The following VIPR1 variants were observed in gnomAD, a reference collection of about 807,000 sequenced individuals.
VIPR1 encodes vasoactive intestinal peptide receptor 1.
Under a neutral mutation model 58.8 loss-of-function variants are expected in VIPR1, and 59 were observed. The observed-to-expected ratio is 1.00, with a 90% CI of 0.81 to 1.25. VIPR1 has a LOEUF of 1.25. Among genes scored for constraint, VIPR1 ranks in the 50% most tolerant of loss-of-function variants. VIPR1 has a pLI of 0.00. For missense variants in VIPR1, 626 were observed against 602.7 expected, an observed-to-expected ratio of 1.04 and a Z score of -0.40; for synonymous variants, 251 against 242.1, an observed-to-expected ratio of 1.04 and a Z score of -0.34.
chr3:42,509,824 A>G (rs1054792325), intron 1 of VIPR1: 1 of 152,342 alleles, frequency 6.6e-6, no homozygotes, highest in African/African-American at 2.4e-5. Flanking sequence ...GGAGACAGGG[A>G]CTAACCAAGT....
intron 1 of VIPR1, chr3:42,508,899 CT>C (rs982560891): frequency 1.3e-5 from 2 of 152,230 alleles, no homozygotes; most frequent in Admixed American, 6.5e-5. Flanking sequence ...TCCATTCCCC[CT>C]GTGTCTCTTT....
At chr3:42,499,430 G>A (rs540613135), upstream of VIPR1, among the ~76,000 whole-genome samples, 11 of 152,356 alleles carry the variant, frequency 7.2e-5, no homozygotes, top group African/African-American at 2.6e-4. Flanking sequence ...TGTCACGGGG[G>A]ATGGCAAGTG....
upstream of VIPR1, among the ~76,000 whole-genome samples, chr3:42,498,536 C>T (rs1464155349): frequency 6.6e-6 from 1 of 152,184 alleles, no homozygotes. Context: ...ATAGTTAGCA[C>T]CACCCTTCCC....
Position 42,513,751 on chromosome 3 carries a change from C to G in VIPR1, c.81C>G (p.Gly27=). ...GCCCTCCCTGTCTTTGTTCTCAGGG[C>G]GGCCAGGCGGCCAGGCTGCAGGAGG... The part of the protein sequence containing the change: ...GALAWALGPA[G]GQAARLQEEC... Residue 27 remains glycine, a splice_region_variant and synonymous_variant, in exon 2 of 13, where the codon GGC becomes GGG. Transcript: ENST00000325123. The G allele has an allele frequency of 6.4e-7, 1 of 1,551,218 alleles. No homozygotes were observed. Among genetic ancestry groups the G allele is most frequent in the Non-Finnish European group, 8.7e-7 (1 of 1,146,792 alleles).
rs534717289 is a variant in VIPR1, at chr3:42,528,122, C to T, written c.635C>T (p.Ser212Leu). 9.3e-6 allele frequency: 15 copies of T among 1,613,068 alleles called. No individual in the cohort carries two copies. In the East Asian group the frequency reaches 1.8e-4, roughly 19 times the overall value. ...GAGTCGGACCAGTGCTCCGAGGGCTCGGTGAGGATCCTGGCCCTGGCCCAC... is the reference window on the plus strand; with the variant it reads ...GAGTCGGACCAGTGCTCCGAGGGCTTGGTGAGGATCCTGGCCCTGGCCCAC... ...SGESDQCSEG[S>L]VGCKAAMVFF... The change falls in exon 6 of 13, where the codon TCG becomes TTG. Residue 212 changes from serine (S) to leucine (L), a missense_variant and splice_region_variant. Ser to Leu is a moderately radical substitution (Grantham distance 145, BLOSUM62 -2). Transcript: ENST00000325123.
Position 42,504,368 on chromosome 3 carries a change from A to G in VIPR1, c.78+1555A>G, listed in dbSNP as rs139614984. Reference sequence around the variant, plus strand: ...AGCCCAAATCTGTCTCCTCCCTCCAATGCCTACCCTCCCCCTGTCTTTCCA... The same window carrying G: ...AGCCCAAATCTGTCTCCTCCCTCCAGTGCCTACCCTCCCCCTGTCTTTCCA... On this transcript the variant is annotated intron_variant, in intron 1 of 12. Coordinates refer to ENST00000325123, the MANE Select transcript of VIPR1 (RefSeq NM_004624.4). 3.3e-3 allele frequency among the ~76,000 whole-genome samples: 502 copies of G among 151,710 alleles called. 1 individual carries two copies. Among genetic ancestry groups the G allele is most frequent in the Middle Eastern group, 0.017 (5 of 292 alleles).
intron 3 of VIPR1, among the ~76,000 whole-genome samples, chr3:42,525,516 C>G (rs1158087957): frequency 6.6e-6 from 1 of 152,150 alleles, no homozygotes; most frequent in Non-Finnish European, 1.5e-5. Flanking sequence ...CCAGCCGTGG[C>G]CTTGTGACAA....
intron 12 of VIPR1, among the ~76,000 whole-genome samples, chr3:42,535,756 G>C (rs528498091): frequency 1.3e-5 from 2 of 152,228 alleles, no homozygotes; most frequent in East Asian, 3.9e-4. Flanking sequence ...TGGAGCTCTG[G>C]TTACATTGCA....
At chr3:42,530,686 C>T in intron 6 of VIPR1, 93 bp from the exon 7 acceptor site, 1 of 1,441,958 alleles carries the variant, frequency 6.9e-7, no homozygotes, top group Non-Finnish European at 9.5e-7. Flanking sequence ...GTTGGCTGCA[C>T]TGCAACTGTG....
intron 6 of VIPR1, chr3:42,530,486 G>A (rs1479967174): frequency 2.9e-6 from 1 of 340,080 alleles, no homozygotes; most frequent in Non-Finnish European, 5.5e-6. Context: ...TGGATACATG[G>A]ATAGGTGGGT....
chr3:42,517,912 G>T (rs556657594), intron 2 of VIPR1, among the ~76,000 whole-genome samples: 2 of 152,256 alleles, frequency 1.3e-5, no homozygotes, highest in South Asian at 2.1e-4. Context: ...GGAGGTGGAG[G>T]TTGCAGTGAG....
intron 3 of VIPR1, among the ~76,000 whole-genome samples, chr3:42,522,449 T>C (rs920894692): frequency 2.6e-5 from 4 of 152,234 alleles, no homozygotes; most frequent in Non-Finnish European, 4.4e-5. Context: ...AAAATAAATA[T>C]GGGAGAGCCA....
chr3:42,530,677 T>G, intron 6 of VIPR1, 102 bp from the exon 7 acceptor site: 1 of 1,348,910 alleles, frequency 7.4e-7, no homozygotes, highest in Non-Finnish European at 1.0e-6. Flanking sequence ...AGAGATTAAG[T>G]TGGCTGCACT....
intron 6 of VIPR1, chr3:42,529,231 G>A (rs1007530285): frequency 1.3e-5 from 2 of 152,158 alleles, no homozygotes; most frequent in Admixed American, 1.3e-4. Context: ...GCTGAGTTGG[G>A]CGGATCATGA....
rs201547333 is a variant in VIPR1 at position 42,513,752 on chromosome 3, G to A, written c.82G>A (p.Gly28Ser). 1.8e-4 allele frequency: 279 copies of A among 1,551,324 alleles called. 1 individual carries two copies. The highest frequency in any genetic ancestry group is 3.3e-4 in the South Asian group (28 of 84,030). The change falls in exon 2 of 13, where the codon GGC becomes AGC. Residue 28 changes from glycine (G) to serine (S), a missense_variant. By Grantham distance (56) the Gly-to-Ser change is moderately conservative. Coordinates refer to ENST00000325123, the MANE Select transcript of VIPR1 (RefSeq NM_004624.4). ...ALAWALGPAG[G>S]QAARLQEECD... ...CCCTCCCTGTCTTTGTTCTCAGGGCGGCCAGGCGGCCAGGCTGCAGGAGGA... is the reference window on the plus strand; with the variant it reads ...CCCTCCCTGTCTTTGTTCTCAGGGCAGCCAGGCGGCCAGGCTGCAGGAGGA...
intron 3 of VIPR1, chr3:42,519,539 G>A: frequency 6.5e-6 from 3 of 460,904 alleles, no homozygotes; most frequent in Non-Finnish European, 1.1e-5. Flanking sequence ...TGTGGGAAAG[G>A]CTCACTAAAT....
intron 1 of VIPR1, among the ~76,000 whole-genome samples, chr3:42,504,958 A>C (rs2125632480): frequency 6.6e-6 from 1 of 150,918 alleles, no homozygotes; most frequent in African/African-American, 2.4e-5. Context: ...TCAGAGGAGG[A>C]AGTCTGCCCC....
At chr3:42,523,640 C>CACACACACACACAT (rs1553638629) in intron 3 of VIPR1, among the ~76,000 whole-genome samples, 2 of 150,760 alleles carry the variant, frequency 1.3e-5, no homozygotes, top group Non-Finnish European at 3.0e-5. Flanking sequence ...CACACACACA[C>CACACACACACACAT]GGCATGTGAA....
chr3:42,500,907 T>A (rs1334420760), upstream of VIPR1, among the ~76,000 whole-genome samples: 1 of 151,496 alleles, frequency 6.6e-6, no homozygotes, highest in East Asian at 1.9e-4. Context: ...GGGAAGGAGG[T>A]AGAAATTGCA....
Sources: allele counts gnomAD v4.1 joint callset (sites outside exome capture counted in the v4.1 genomes callset), GRCh38; gene constraint gnomAD v4.1.1; transcripts MANE v1.5; gene names NCBI Gene and HGNC (gene_info 2026-07-23, HGNC 2026-07-21).